Variants in ZSCAN30 observed in about 807,000 individuals in gnomAD.
ZSCAN30 encodes the protein zinc finger and SCAN domain containing 30.
In ZSCAN30, 37 loss-of-function variants were observed where a neutral mutation model predicts 44.3. The observed-to-expected ratio is 0.84, with a 90% CI of 0.64 to 1.10. The LOEUF is 1.10. Ranked by LOEUF, ZSCAN30 falls within the 50% of genes least tolerant of loss-of-function variation. ZSCAN30 has a pLI of 0.00. For synonymous variants in ZSCAN30, 181 were observed against 204.6 expected (o/e 0.88, Z 0.98); for missense variants, 549 against 582.6 (o/e 0.94, Z 0.59).
At chr18:35,277,732 C>G (rs962684608) in intron 1 of ZSCAN30, among the ~76,000 whole-genome samples, 3 of 152,148 alleles carry the variant, frequency 2.0e-5, no homozygotes, top group Non-Finnish European at 2.9e-5. Context: ...CAGACTAATA[C>G]AGTAGGCTAT....
intron 3 of ZSCAN30, chr18:35,254,819 G>A (rs1298102148): frequency 5.0e-6 from 1 of 201,928 alleles, no homozygotes; most frequent in Admixed American, 5.3e-5. Context: ...TAGGAGAGCA[G>A]AAGATATGAT....
In ZSCAN30 at chr18:35,265,063, A is replaced by G. The variant is rs528176895; in HGVS notation, c.-103-608T>C. On this transcript the variant is annotated intron_variant, in intron 1 of 3. Coordinates refer to ENST00000333206, the MANE Select transcript of ZSCAN30 (RefSeq NM_001112734.4). ...TGGGAGGCTGAGGCAGGAGAATGGC[A>G]TGAACCCGGGAGGGGGAGCTTGCAG... Among the ~76,000 whole-genome samples the G allele has an allele frequency of 3.6e-3, 548 of 151,926 alleles. 3 individuals carry two copies. The highest frequency in any genetic ancestry group is 8.6e-3 in the African/African-American group (356 of 41,418).
In ZSCAN30 at chr18:35,253,545, T is replaced by G. The variant is rs754710568; in HGVS notation, c.1390A>C (p.Thr464Pro). 3 of 1,613,852 alleles carry G rather than the reference T, an allele frequency of 1.9e-6. No individual in the cohort carries two copies. The highest frequency in any genetic ancestry group is 2.5e-6 in the Non-Finnish European group (3 of 1,179,870). ...SALTQHQRIH[T>P]GEKPYECSEC... ...CTACATTCATAAGGCTTCTCTCCAG[T>G]GTGAATTCTCTGGTGCTGGGTGAGG... Residue 464 changes from threonine to proline, a missense_variant, in exon 4 of 4, where the codon ACT (threonine) becomes CCT (proline). Physicochemically the swap from Thr to Pro is conservative, Grantham distance 38. Coordinates refer to ENST00000333206, the MANE Select transcript of ZSCAN30 (RefSeq NM_001112734.4).
chr18:35,285,842 AG>A (rs1482666863), intron 1 of ZSCAN30, among the ~76,000 whole-genome samples: 1 of 152,112 alleles, frequency 6.6e-6, no homozygotes, highest in Non-Finnish European at 1.5e-5. Context: ...AGGAGAAAAA[AG>A]GAAATAATAA....
At chr18:35,271,140 AC>A (rs1481079228) in intron 1 of ZSCAN30, among the ~76,000 whole-genome samples, 11 of 151,972 alleles carry the variant, frequency 7.2e-5, no homozygotes, top group Non-Finnish European at 1.5e-5. Context: ...AAGCAAAAAA[AC>A]CCTCCGCACT....
At chr18:35,265,215 G>T (rs1008726423) in intron 1 of ZSCAN30, among the ~76,000 whole-genome samples, 2 of 152,066 alleles carry the variant, frequency 1.3e-5, no homozygotes, top group Non-Finnish European at 2.9e-5. Context: ...AGACAGCCAG[G>T]GAGCAGCAGA....
chr18:35,271,388 T>G (rs922973149), intron 1 of ZSCAN30, among the ~76,000 whole-genome samples: 11 of 88,108 alleles, frequency 1.2e-4, no homozygotes, highest in Non-Finnish European at 2.6e-4. Context: ...GACTTAAAAG[T>G]TCTCCAAGTC....
intron 1 of ZSCAN30, chr18:35,270,236 G>A (rs1195538040): frequency 7.2e-6 from 1 of 138,200 alleles, no homozygotes; most frequent in African/African-American, 2.7e-5. Flanking sequence ...GAATGCGAAA[G>A]TATATGGGAT....
chr18:35,271,759 G>T (rs1045159891), intron 1 of ZSCAN30, among the ~76,000 whole-genome samples: 1 of 152,222 alleles, frequency 6.6e-6, no homozygotes, highest in Non-Finnish European at 1.5e-5. Context: ...GGGAGGGGGG[G>T]CGCTTGGGCA....
intron 1 of ZSCAN30, chr18:35,269,938 A>T (rs2044237349): frequency 6.6e-6 from 1 of 152,136 alleles, no homozygotes. Flanking sequence ...CCCTTAAAGG[A>T]TCTAGCAACA....
intron 3 of ZSCAN30, chr18:35,258,478 A>T (rs975786803): frequency 6.4e-6 from 1 of 156,312 alleles, no homozygotes; most frequent in African/African-American, 2.4e-5. Context: ...CAAACTTCAG[A>T]TGAATGTGGA....
chr18:35,254,303 G>A lies in ZSCAN30; in HGVS notation c.632C>T (p.Ser211Leu), dbSNP rs775943652. 1.1e-5 allele frequency: 18 copies of A among 1,614,046 alleles called. No homozygotes were observed. Among genetic ancestry groups the A allele is most frequent in the African/African-American group, 6.7e-5 (5 of 75,032 alleles). ...VECVASAAMI[S>L]PGKLPGETHS... is the part of the protein sequence containing the mutation. ...TGTTTCTCCAGGAAGTTTTCCCGGC[G>A]ATATCATAGCTGCTGAGGCTACACA... The change falls in exon 4 of 4, where the codon TCG becomes TTG. Residue 211 changes from serine (S) to leucine (L), a missense_variant. Ser to Leu is a moderately radical substitution (Grantham distance 145). Coordinates refer to ENST00000333206, the MANE Select transcript of ZSCAN30 (RefSeq NM_001112734.4).
At position 35,253,261 on chromosome 18, in the gene ZSCAN30, G is replaced by T. The variant is rs1022880617; in HGVS notation, c.*189C>A. The T allele has an allele frequency of 2.1e-6, 1 of 472,794 alleles. No individual in the cohort carries two copies. The highest frequency in any genetic ancestry group is 3.7e-6 in the Non-Finnish European group (1 of 270,630). The allele number at this position is 472,794 out of a possible 1,614,324, so 29.3% of individuals were successfully genotyped here. Reference sequence around the variant, plus strand: ...ACCATTCTTTTTGGAGAAGACTTGGGTAACATTTTTCTTCCATTTAACACT... The same window carrying T: ...ACCATTCTTTTTGGAGAAGACTTGGTTAACATTTTTCTTCCATTTAACACT... On this transcript the variant is annotated 3_prime_UTR_variant, in exon 4 of 4. Coordinates refer to ENST00000333206, the MANE Select transcript of ZSCAN30 (RefSeq NM_001112734.4).
Position 35,276,912 on chromosome 18 carries a change from A to G in ZSCAN30, c.-103-12457T>C, listed in dbSNP as rs186701969. Among the ~76,000 whole-genome samples the G allele has an allele frequency of 2.1e-3, 327 of 152,288 alleles. 2 individuals are homozygous for G. Among genetic ancestry groups the G allele is most frequent in the Non-Finnish European group, 3.6e-3 (245 of 68,018 alleles). ...CACCTGGAAAAGCCACAGACACTCAATGCCAGCCTGTGAAAGCAGCCAGGA... is the reference window on the plus strand; with the variant it reads ...CACCTGGAAAAGCCACAGACACTCAGTGCCAGCCTGTGAAAGCAGCCAGGA... On this transcript the variant is annotated intron_variant, in intron 1 of 3. Coordinates refer to ENST00000333206, the MANE Select transcript of ZSCAN30 (RefSeq NM_001112734.4).
chr18:35,258,932 A>T (rs916611007), intron 3 of ZSCAN30: 1 of 151,050 alleles, frequency 6.6e-6, no homozygotes, highest in Admixed American at 6.7e-5. Context: ...ACTGCATTCA[A>T]GTATAGATTG....
chr18:35,272,083 G>T (rs894215905), intron 1 of ZSCAN30, among the ~76,000 whole-genome samples: 18 of 152,236 alleles, frequency 1.2e-4, no homozygotes, highest in African/African-American at 4.1e-4. Flanking sequence ...ACAGTGCAGC[G>T]GCTGGCTGAA....
intron 1 of ZSCAN30, among the ~76,000 whole-genome samples, chr18:35,288,576 A>G (rs1335779858): frequency 6.6e-6 from 1 of 152,226 alleles, no homozygotes; most frequent in Non-Finnish European, 1.5e-5. Flanking sequence ...TGGTGATTGG[A>G]TAAACAAACT....
chr18:35,261,124 CTTGT>C (rs1186619908), intron 3 of ZSCAN30: 2 of 152,150 alleles, frequency 1.3e-5, no homozygotes, highest in Non-Finnish European at 1.5e-5. Flanking sequence ...TTCCCCATTG[CTTGT>C]TTGTGTCAGG....
chr18:35,277,585 G>T (rs1205000904), intron 1 of ZSCAN30, among the ~76,000 whole-genome samples: 4 of 152,122 alleles, frequency 2.6e-5, no homozygotes, highest in Non-Finnish European at 5.9e-5. Context: ...TGTGAAGAAG[G>T]ATATGTTTGC....
Sources: gnomAD v4.1 joint callset for allele counts (sites outside exome capture counted in the v4.1 genomes callset) on GRCh38, gnomAD v4.1.1 for gene constraint, MANE v1.5 for transcripts, NCBI Gene and HGNC (gene_info 2026-07-23, HGNC 2026-07-21) for gene names.